The following ZNF534 variants were observed in gnomAD, a reference collection of about 807,000 sequenced individuals.
ZNF534 encodes the protein KRAB domain only 3.
Under a neutral mutation model 13.6 loss-of-function variants are expected in ZNF534, and 19 were observed. That is an observed-to-expected ratio of 1.40 (90% CI 0.97 to 2.05). ZNF534 has a LOEUF of 2.05. Ranked by LOEUF, ZNF534 falls within the 30% of genes most tolerant of loss-of-function variation. ZNF534 has a pLI of 0.00. For synonymous variants in ZNF534, 244 were observed against 273.8 expected (o/e 0.89, Z 1.07); for missense variants, 782 against 796.3 (o/e 0.98, Z 0.22).
downstream of ZNF534, among the ~76,000 whole-genome samples, chr19:52,446,217 C>A (rs1267129880): frequency 6.6e-6 from 1 of 152,120 alleles, no homozygotes; most frequent in Non-Finnish European, 1.5e-5. Flanking sequence ...CATCCCCCAC[C>A]ACATGCCAAT....
At position 52,438,232 on chromosome 19, in the gene ZNF534, G is replaced by C. The variant is rs2059142566; in HGVS notation, c.772G>C (p.Ala258Pro). Reference protein sequence around the residue: ...GKVFNQNSHLAQHQKIHTGQK... With the variant: ...GKVFNQNSHLPQHQKIHTGQK... ...AGTCTTCAATCAGAATTCACACCTT[G>C]CACAACATCAGAAAATTCATACTGG... is the stretch of plus-strand genomic sequence containing the variant. The change falls in exon 5 of 5, where the codon GCA becomes CCA. Residue 258 changes from alanine to proline, a missense_variant. Physicochemically the swap from Ala to Pro is conservative, Grantham distance 27 (BLOSUM62 -1). Around this residue, in one of 5 missense-constraint regions of ZNF534, gnomAD observed 591 missense variants for 574.0 expected, o/e 1.03. Transcript: ENST00000433050. The C allele has an allele frequency of 1.2e-6, 2 of 1,613,826 alleles. No individual in the cohort carries two copies. The highest frequency in any genetic ancestry group is 1.7e-6 in the Non-Finnish European group (2 of 1,179,944).
rs8104831 is a variant in ZNF534, at chr19:52,441,734, G to A, written c.*2288G>A. Among the ~76,000 whole-genome samples the A allele has an allele frequency of 0.019, 2,822 of 152,146 alleles. 85 individuals are homozygous for A. Among genetic ancestry groups the A allele is most frequent in the African/African-American group, 0.065 (2,716 of 41,484 alleles). ...TCTCAAATTGAAATTCACATCTTGC[G>A]AATCACCACATAGAGAGAAACCTTA... On this transcript the variant is annotated 3_prime_UTR_variant, in exon 5 of 5. Coordinates refer to ENST00000433050, the MANE Select transcript of ZNF534 (RefSeq NM_001143938.3).
intron 4 of ZNF534, among the ~76,000 whole-genome samples, chr19:52,450,577 G>A (rs2099053): frequency 0.93 from 140,624 of 151,574 alleles, 65,483 homozygotes; most frequent in Non-Finnish European, 0.96. Flanking sequence ...ATATTTTGAA[G>A]TCAGGTAGTG....
Position 52,437,739 on chromosome 19 carries a change from T to G in ZNF534, c.279T>G (p.Ser93Arg). 1 of 1,566,004 alleles carries G rather than the reference T, an allele frequency of 6.4e-7. No homozygotes were observed. Among genetic ancestry groups the G allele is most frequent in the Non-Finnish European group, 8.6e-7 (1 of 1,156,900 alleles). ...ATTTTCTTGCTTTTCTAGAGAAGAG[T>G]TCTAAATTGGGAAGCAGTGCAGGAA... is the stretch of plus-strand genomic sequence containing the variant. Reference protein sequence around the residue: ...ECIKGVNTEKSSKLGSSAGNK... With the variant: ...ECIKGVNTEKRSKLGSSAGNK... The change falls in exon 5 of 5, where the codon AGT (serine) becomes AGG (arginine). Residue 93 changes from serine to arginine, a missense_variant. Coordinates refer to ENST00000433050, the MANE Select transcript of ZNF534 (RefSeq NM_001143938.3).
intron 1 of ZNF534, among the ~76,000 whole-genome samples, chr19:52,429,978 C>T (rs944716324): frequency 1.3e-4 from 19 of 151,508 alleles, no homozygotes; most frequent in Admixed American, 1.2e-3. Flanking sequence ...CTTAACAATG[C>T]CCTCCAGGCA....
At chr19:52,431,533 C>T (rs1376003914) in intron 2 of ZNF534, 44 bp downstream of exon 2, 1 of 1,612,736 alleles carries the variant, frequency 6.2e-7, no homozygotes, top group African/African-American at 1.3e-5. Flanking sequence ...CTGTTTCTTC[C>T]TGAAATGCCA....
At position 52,433,797 on chromosome 19, in the gene ZNF534, A is replaced by G. The variant is rs768180131; in HGVS notation, c.16-158A>G. 404 of 800,996 alleles carry G rather than the reference A, an allele frequency of 5.0e-4. 1 individual carries two copies. The highest frequency in any genetic ancestry group is 3.9e-4 in the Non-Finnish European group (186 of 471,412). The allele number at this position is 800,996 out of a possible 1,614,324, so 49.6% of individuals were successfully genotyped here. A position where few individuals can be genotyped will look rare whatever the true frequency, so the allele number is the denominator to read the frequency against. ...ACTCCTTATGGAAAAGTATAATAAA[A>G]CACAATCACAGACACATAACTAGCT... On this transcript the variant is annotated intron_variant, in intron 2 of 4. Coordinates refer to ENST00000433050, the MANE Select transcript of ZNF534 (RefSeq NM_001143938.3).
chr19:52,442,997 C>CATGG (rs1339012809), downstream of ZNF534, among the ~76,000 whole-genome samples: 2 of 152,134 alleles, frequency 1.3e-5, no homozygotes, highest in African/African-American at 4.8e-5. Context: ...CCATTAAAGG[C>CATGG]ATGGCATTTT....
downstream of ZNF534, among the ~76,000 whole-genome samples, chr19:52,443,093 A>G (rs528513430): frequency 7.9e-4 from 121 of 152,338 alleles, no homozygotes; most frequent in Non-Finnish European, 1.6e-3. Context: ...TCAATTGAAT[A>G]GCAATAGTTC....
chr19:52,450,941 C>T (rs1412539911), intron 4 of ZNF534, among the ~76,000 whole-genome samples: 1 of 152,010 alleles, frequency 6.6e-6, no homozygotes, highest in Non-Finnish European at 1.5e-5. Context: ...CCATCTTGGC[C>T]TCCCAAAGTG....
intron 4 of ZNF534, among the ~76,000 whole-genome samples, chr19:52,435,463 CA>C (rs1568443246): frequency 1.3e-5 from 2 of 151,994 alleles, no homozygotes; most frequent in Admixed American, 6.6e-5. Flanking sequence ...GTGGGAAAAC[CA>C]AAGCTGAAAT....
downstream of ZNF534, among the ~76,000 whole-genome samples, chr19:52,443,520 G>A (rs1481378147): frequency 1.3e-5 from 2 of 152,088 alleles, no homozygotes; most frequent in Non-Finnish European, 2.9e-5. Context: ...GGGAGGCTGA[G>A]GTGGGCATAT....
At position 52,438,020 on chromosome 19, in the gene ZNF534, G is replaced by T. The variant is rs1459766172; in HGVS notation, c.560G>T (p.Gly187Val). 6.2e-7 allele frequency: 1 copy of T among 1,614,114 alleles called. No homozygotes were observed. The highest frequency in any genetic ancestry group is 1.6e-4 in the Middle Eastern group (1 of 6,062). Residue 187 changes from glycine to valine, a missense_variant, in exon 5 of 5, where the codon GGA becomes GTA. Gly to Val is a moderately radical substitution (Grantham distance 109). Coordinates refer to ENST00000433050, the MANE Select transcript of ZNF534 (RefSeq NM_001143938.3). Reference sequence around the variant, plus strand: ...GTACACATTAGGGAAAAGCCTTATGGATGTAATGAGCATGGGAAAGTCTTC... The same window carrying T: ...GTACACATTAGGGAAAAGCCTTATGTATGTAATGAGCATGGGAAAGTCTTC... ...QKVHIREKPY[G>V]CNEHGKVFRV...
chr19:52,431,058 G>T lies in ZNF534; in HGVS notation c.-67-350G>T, dbSNP rs572866271. ...GTAGAGACGAGGGTTTCATTATGTTGGCCAGGCTGGTCTCAAACTCCTGAC... is the reference window on the plus strand; with the variant it reads ...GTAGAGACGAGGGTTTCATTATGTTTGCCAGGCTGGTCTCAAACTCCTGAC... On this transcript the variant is annotated intron_variant, in intron 1 of 4. Transcript: ENST00000433050. 8.6e-4 allele frequency among the ~76,000 whole-genome samples: 131 copies of T among 152,048 alleles called. 2 individuals are homozygous for T. In the Middle Eastern group the frequency reaches 0.01, roughly 12 times the overall value.
chr19:52,433,442 C>T (rs140948331), intron 2 of ZNF534, among the ~76,000 whole-genome samples: 1 of 151,980 alleles, frequency 6.6e-6, no homozygotes, highest in Non-Finnish European at 1.5e-5. Context: ...TCTCAGCTCA[C>T]TGCAATGTCC....
In ZNF534 at chr19:52,429,264, G is replaced by A. The variant is rs1029445830; in HGVS notation, c.-68+20G>A. The A allele has an allele frequency of 1.3e-5, 2 of 152,240 alleles. No individual in the cohort carries two copies. The highest frequency in any genetic ancestry group is 2.4e-5 in the African/African-American group (1 of 41,454). The allele number at this position is 152,240 out of a possible 1,614,324, so 9.4% of individuals were successfully genotyped here. A position where few individuals can be genotyped will look rare whatever the true frequency, so the allele number is the denominator to read the frequency against. ...CCACTCGTGAGTTTGCCTTTGTCTA[G>A]ATTAAATTTAGGCTGCCCAGTTCCT... On this transcript the variant is annotated intron_variant, in intron 1 of 4. Coordinates refer to ENST00000433050, the MANE Select transcript of ZNF534 (RefSeq NM_001143938.3).
At position 52,441,607 on chromosome 19, in the gene ZNF534, G is replaced by A. The variant is rs1005823831; in HGVS notation, c.*2161G>A. Reference sequence around the variant, plus strand: ...CATACTGCAGAGAAGCCTTACAAATGCAGCGAATGTGACAAAGCATTTAGA... The same window carrying A: ...CATACTGCAGAGAAGCCTTACAAATACAGCGAATGTGACAAAGCATTTAGA... On this transcript the variant is annotated 3_prime_UTR_variant, in exon 5 of 5. Coordinates refer to ENST00000433050, the MANE Select transcript of ZNF534 (RefSeq NM_001143938.3). Among the ~76,000 whole-genome samples the A allele has an allele frequency of 6.6e-6, 1 of 152,208 alleles. No homozygotes were observed. The highest frequency in any genetic ancestry group is 2.4e-5 in the African/African-American group (1 of 41,462).
intron 3 of ZNF534, among the ~76,000 whole-genome samples, chr19:52,434,327 C>CA (rs1483095433): frequency 3.3e-5 from 5 of 151,390 alleles, no homozygotes; most frequent in Admixed American, 6.6e-5. Context: ...ACTAAAGATA[C>CA]AAAAAAGGGT....
intron 1 of ZNF534, among the ~76,000 whole-genome samples, chr19:52,429,688 C>T (rs1045542734): frequency 5.3e-5 from 8 of 151,644 alleles, no homozygotes; most frequent in African/African-American, 1.9e-4. Flanking sequence ...CTCCGCCTCC[C>T]GGATTCAAGC....
Sources: allele counts gnomAD v4.1 joint callset (sites outside exome capture counted in the v4.1 genomes callset), GRCh38; gene constraint gnomAD v4.1.1; regional missense constraint gnomAD v4.1.1; transcripts MANE v1.5; gene names NCBI Gene and HGNC (gene_info 2026-07-23, HGNC 2026-07-21).